Variants in CACNA2D3 observed in about 807,000 individuals in gnomAD.
CACNA2D3 encodes voltage-dependent calcium channel subunit alpha-2/delta-3.
Under a neutral mutation model 160.6 loss-of-function variants are expected in CACNA2D3, and 60 were observed. The observed-to-expected ratio is 0.37, with a 90% CI of 0.30 to 0.46. The LOEUF (loss-of-function observed/expected upper bound fraction) is 0.46. Ranked by LOEUF, CACNA2D3 falls within the 20% of genes least tolerant of loss-of-function variation. The pLI, the probability that CACNA2D3 is intolerant of heterozygous loss-of-function variation, is 1.00. For missense variants in CACNA2D3, 1,205 were observed against 1,365.0 expected (o/e 0.88, Z 1.85); for synonymous variants, 558 against 492.9 (o/e 1.13, Z -1.75).
At chr3:55,052,756 G>A (rs912724280) in intron 35 of CACNA2D3, among the ~76,000 whole-genome samples, 2 of 152,050 alleles carry the variant, frequency 1.3e-5, no homozygotes, top group African/African-American at 4.8e-5. Context: ...TACACTTGTA[G>A]TATTCCTTGT....
chr3:54,521,756 C>T (rs890209708), intron 5 of CACNA2D3, among the ~76,000 whole-genome samples: 1 of 152,010 alleles, frequency 6.6e-6, no homozygotes, highest in African/African-American at 2.4e-5. Flanking sequence ...GGTAAGAGTC[C>T]AACCTCATTC....
chr3:54,462,822 C>T (rs146572305), intron 4 of CACNA2D3, among the ~76,000 whole-genome samples: 2,855 of 151,426 alleles, frequency 0.019, 66 homozygotes, highest in East Asian at 0.1. Flanking sequence ...GTCATTATGA[C>T]GTTAGCTGGT....
intron 3 of CACNA2D3, among the ~76,000 whole-genome samples, chr3:54,357,647 C>A (rs1489010818): frequency 3.3e-5 from 5 of 152,088 alleles, no homozygotes; most frequent in Admixed American, 2.6e-4. Flanking sequence ...TCACAATTGC[C>A]AAAACTTGGA....
intron 35 of CACNA2D3, among the ~76,000 whole-genome samples, chr3:55,042,645 G>A (rs544521140): frequency 3.9e-5 from 6 of 152,146 alleles, no homozygotes; most frequent in Non-Finnish European, 8.8e-5. Flanking sequence ...CAATTTACTC[G>A]TGATAAAATT....
At chr3:55,062,280 CTTTT>C (rs10693110) in intron 35 of CACNA2D3, among the ~76,000 whole-genome samples, 6 of 139,860 alleles carry the variant, frequency 4.3e-5, no homozygotes, top group African/African-American at 1.6e-4. Context: ...TCATATCTGT[CTTTT>C]TTTTTTTTTT....
chr3:55,033,916 C>T (rs5008704), intron 35 of CACNA2D3, among the ~76,000 whole-genome samples: 12,523 of 96,664 alleles, frequency 0.13, 325 homozygotes, highest in Middle Eastern at 0.15. Context: ...TATAAAAATA[C>T]ATATATATTT....
intron 14 of CACNA2D3, among the ~76,000 whole-genome samples, chr3:54,817,269 C>T (rs1168515948): frequency 6.6e-6 from 1 of 152,142 alleles, no homozygotes; most frequent in Non-Finnish European, 1.5e-5. Flanking sequence ...ATTTGGGGCT[C>T]CTAAGCCAAA....
At chr3:54,457,921 A>G (rs142405662) in intron 4 of CACNA2D3, among the ~76,000 whole-genome samples, 25 of 152,020 alleles carry the variant, frequency 1.6e-4, no homozygotes, top group African/African-American at 5.3e-4. Flanking sequence ...TTTAGTTTCT[A>G]TTTGTATGGA....
rs142458378 is a variant in CACNA2D3 at position 54,456,358 on chromosome 3, A to G, written c.382-47134A>G. 4.4e-3 allele frequency among the ~76,000 whole-genome samples: 663 copies of G among 151,812 alleles called. 7 individuals carry two copies. The highest frequency in any genetic ancestry group is 0.014 in the African/African-American group (574 of 41,484). On this transcript the variant is annotated intron_variant, in intron 4 of 37. Coordinates refer to ENST00000474759, the MANE Select transcript of CACNA2D3 (RefSeq NM_018398.3). ...TGCTTTCTTGATTTCTTTTTTAGCT[A>G]GTTTGTTGTTGGTGTGTAGGAATAC...
rs115557961 is a variant in CACNA2D3, at chr3:54,298,520, C to T, written c.205-21922C>T. ...TAGGATTAAGAAGGAAGGAGTAGGC[C>T]GGGCGCAGTGGCTCATGCCTGTAAT... On this transcript the variant is annotated intron_variant, in intron 2 of 37. Transcript: ENST00000474759. Among the ~76,000 whole-genome samples the T allele has an allele frequency of 2.7e-3, 411 of 152,262 alleles. 4 individuals are homozygous for T. The highest frequency in any genetic ancestry group is 9.5e-3 in the African/African-American group (393 of 41,544).
chr3:55,060,080 A>G (rs6809415), intron 35 of CACNA2D3, among the ~76,000 whole-genome samples: 21,280 of 151,974 alleles, frequency 0.14, 2,716 homozygotes, highest in East Asian at 0.28. Flanking sequence ...CCAGGCTTGA[A>G]GGTGGGGCCT....
intron 5 of CACNA2D3, among the ~76,000 whole-genome samples, chr3:54,525,510 C>G (rs1445403610): frequency 6.6e-6 from 1 of 152,134 alleles, no homozygotes; most frequent in Non-Finnish European, 1.5e-5. Context: ...GCCAGGTCTG[C>G]TAGCACTAAA....
At chr3:54,165,342 T>C (rs1700431127) in intron 2 of CACNA2D3, among the ~76,000 whole-genome samples, 1 of 151,998 alleles carries the variant, frequency 6.6e-6, no homozygotes, top group Non-Finnish European at 1.5e-5. Context: ...ACCACTGAAC[T>C]AGCTTACCCT....
At chr3:55,010,698 C>T (rs190652294) in intron 34 of CACNA2D3, among the ~76,000 whole-genome samples, 203 of 152,320 alleles carry the variant, frequency 1.3e-3, no homozygotes, top group African/African-American at 4.6e-3. Context: ...CAGCATTGCC[C>T]CAGGTGCTGG....
intron 13 of CACNA2D3, among the ~76,000 whole-genome samples, chr3:54,786,756 T>C (rs12107564): frequency 0.11 from 17,408 of 152,160 alleles, 1,404 homozygotes; most frequent in African/African-American, 0.23. Context: ...TTATCCATGG[T>C]TAAAAAAACA....
chr3:54,754,175 G>T (rs559455610), intron 12 of CACNA2D3, among the ~76,000 whole-genome samples: 10 of 152,320 alleles, frequency 6.6e-5, no homozygotes, highest in African/African-American at 2.4e-4. Flanking sequence ...GCACTGGGAA[G>T]GAAGTAATAG....
chr3:54,914,638 T>A (rs1700623885), intron 27 of CACNA2D3, among the ~76,000 whole-genome samples: 1 of 152,236 alleles, frequency 6.6e-6, no homozygotes, highest in African/African-American at 2.4e-5. Flanking sequence ...AGTGGTTGAT[T>A]AGGCAGCTGC....
intron 18 of CACNA2D3, among the ~76,000 whole-genome samples, chr3:54,872,834 A>G (rs571369036): frequency 6.6e-6 from 1 of 152,284 alleles, no homozygotes; most frequent in South Asian, 2.1e-4. Flanking sequence ...CCCGCAAGCC[A>G]ATGAGCTGAC....
intron 9 of CACNA2D3, among the ~76,000 whole-genome samples, chr3:54,583,376 A>T (rs1433016349): frequency 5.3e-5 from 8 of 152,204 alleles, no homozygotes; most frequent in African/African-American, 1.9e-4. Context: ...ATGGATATTG[A>T]AGACTGGAAT....
Sources: gnomAD v4.1 joint callset for allele counts (sites outside exome capture counted in the v4.1 genomes callset) on GRCh38, gnomAD v4.1.1 for gene constraint, MANE v1.5 for transcripts, NCBI Gene and HGNC (gene_info 2026-07-23, HGNC 2026-07-21) for gene names.